Variants in SAMD4A observed in about 807,000 individuals in gnomAD.
SAMD4A encodes the protein protein Smaug homolog 1.
A neutral mutation model predicts 81.3 loss-of-function variants in SAMD4A; 33 were observed. The observed-to-expected ratio is 0.41, with a 90% CI of 0.31 to 0.54. The LOEUF is 0.54. Among genes scored for constraint, SAMD4A ranks in the 20% least tolerant of loss-of-function variants. SAMD4A has a pLI of 0.37. For missense variants in SAMD4A, 854 were observed against 951.1 expected (o/e 0.90, Z 1.34); for synonymous variants, 389 against 382.1 (o/e 1.02, Z -0.21).
At chr14:54,769,726 A>T (rs1021422686) in intron 8 of SAMD4A, among the ~76,000 whole-genome samples, 6 of 152,220 alleles carry the variant, frequency 3.9e-5, no homozygotes, top group African/African-American at 1.4e-4. Context: ...TTCATTGATT[A>T]TGAAAATGCA....
intron 2 of SAMD4A, among the ~76,000 whole-genome samples, chr14:54,683,200 T>C (rs1439355590): frequency 6.6e-6 from 1 of 152,228 alleles, no homozygotes; most frequent in African/African-American, 2.4e-5. Flanking sequence ...GGAGTGGCAT[T>C]GGATCTCAGG....
intron 2 of SAMD4A, among the ~76,000 whole-genome samples, chr14:54,661,489 A>C (rs1269126433): frequency 6.6e-6 from 1 of 152,198 alleles, no homozygotes; most frequent in African/African-American, 2.4e-5. Flanking sequence ...ACCCTTGAGG[A>C]ATCTGCTATT....
In SAMD4A at chr14:54,727,698, G is replaced by A. The variant is rs115656874; in HGVS notation, c.716-9326G>A. Among the ~76,000 whole-genome samples, 1,204 of 152,304 alleles carry A rather than the reference G, an allele frequency of 7.9e-3. 17 individuals carry two copies. Among genetic ancestry groups the A allele is most frequent in the African/African-American group, 0.028 (1,151 of 41,570 alleles). On this transcript the variant is annotated intron_variant, in intron 3 of 12. Coordinates refer to ENST00000554335, the MANE Select transcript of SAMD4A (RefSeq NM_015589.6). The stretch of plus-strand genomic sequence containing the variant: ...TGTATTTGTGTCTGTGTATGACCAT[G>A]AAAAGGCCACGAGTATTGACTCAGG...
chr14:54,595,151 A>G (rs924028790), intron 2 of SAMD4A, among the ~76,000 whole-genome samples: 2 of 152,094 alleles, frequency 1.3e-5, no homozygotes, highest in East Asian at 3.9e-4. Flanking sequence ...ATCTGACGAC[A>G]TCTCTCTCAG....
chr14:54,668,052 C>G (rs1408640071), intron 2 of SAMD4A, among the ~76,000 whole-genome samples: 1 of 152,200 alleles, frequency 6.6e-6, no homozygotes, highest in Non-Finnish European at 1.5e-5. Context: ...CCGTTCTGAT[C>G]GGATTTCCGC....
intron 3 of SAMD4A, among the ~76,000 whole-genome samples, chr14:54,709,731 C>T (rs2036944261): frequency 1.3e-5 from 2 of 152,200 alleles, no homozygotes; most frequent in Non-Finnish European, 2.9e-5. Context: ...TTACACAAGG[C>T]TTGGTCAACT....
chr14:54,574,890 T>A (rs1222660958), intron 2 of SAMD4A, among the ~76,000 whole-genome samples: 1 of 152,056 alleles, frequency 6.6e-6, no homozygotes. Flanking sequence ...CCTGGGGAGG[T>A]GGAGCTGAAC....
At chr14:54,773,522 C>T (rs2038758775) in intron 9 of SAMD4A, among the ~76,000 whole-genome samples, 1 of 152,236 alleles carries the variant, frequency 6.6e-6, no homozygotes, top group South Asian at 2.1e-4. Flanking sequence ...GTATAACCTC[C>T]CGGACCTGAG....
At chr14:54,612,421 A>T (rs917306535) in intron 2 of SAMD4A, among the ~76,000 whole-genome samples, 1 of 152,088 alleles carries the variant, frequency 6.6e-6, no homozygotes, top group African/African-American at 2.4e-5. Context: ...GGCTATTATT[A>T]ATTTGATTTC....
At chr14:54,609,069 CTGTGAAAA>C (rs1385980210) in intron 2 of SAMD4A, among the ~76,000 whole-genome samples, 1 of 152,170 alleles carries the variant, frequency 6.6e-6, no homozygotes, top group Non-Finnish European at 1.5e-5. Context: ...TCTCCAGAAC[CTGTGAAAA>C]TGTTATGTTA....
In SAMD4A at chr14:54,737,295, A is replaced by T. The variant is rs2037720290; in HGVS notation, c.979+8A>T. 7 of 1,613,460 alleles carry T rather than the reference A, an allele frequency of 4.3e-6. No homozygotes were observed. The East Asian group carries it at 1.3e-4, about 31-fold the overall frequency. On this transcript the variant is annotated splice_region_variant and intron_variant, in intron 4 of 12. Coordinates refer to ENST00000554335, the MANE Select transcript of SAMD4A (RefSeq NM_015589.6). ...AAGGTAGTGGGATGAAAGGTGAGTGACTAAATGAGAAACCACTGGGGAAAG... is the reference window on the plus strand; with the variant it reads ...AAGGTAGTGGGATGAAAGGTGAGTGTCTAAATGAGAAACCACTGGGGAAAG...
intron 2 of SAMD4A, among the ~76,000 whole-genome samples, chr14:54,571,642 C>T (rs368055305): frequency 4.3e-4 from 65 of 152,188 alleles, no homozygotes; most frequent in African/African-American, 1.5e-3. Context: ...CAATAAATTC[C>T]TATACTTATA....
At chr14:54,639,842 T>TA (rs2035130361) in intron 2 of SAMD4A, among the ~76,000 whole-genome samples, 1 of 150,334 alleles carries the variant, frequency 6.7e-6, no homozygotes, top group African/African-American at 2.5e-5. Flanking sequence ...ACACCACTGT[T>TA]ACTAGTTCTG....
chr14:54,785,706 G>A (rs2039123319), intron 12 of SAMD4A, among the ~76,000 whole-genome samples: 2 of 152,196 alleles, frequency 1.3e-5, no homozygotes, highest in Non-Finnish European at 2.9e-5. Context: ...CAGACCTAAG[G>A]TTGTTAGATT....
intron 4 of SAMD4A, among the ~76,000 whole-genome samples, chr14:54,739,233 A>G (rs181780192): frequency 3.9e-5 from 6 of 151,974 alleles, no homozygotes; most frequent in Admixed American, 2.6e-4. Context: ...GACAAAAGCC[A>G]AAATATTGCA....
At chr14:54,625,955 C>A (rs758170102) in intron 2 of SAMD4A, among the ~76,000 whole-genome samples, 2 of 151,830 alleles carry the variant, frequency 1.3e-5, no homozygotes, top group African/African-American at 4.8e-5. Flanking sequence ...GTGTTTAGCT[C>A]CTGACCGAGG....
At chr14:54,764,078 G>A (rs553106402) in intron 7 of SAMD4A, among the ~76,000 whole-genome samples, 1 of 152,200 alleles carries the variant, frequency 6.6e-6, no homozygotes, top group African/African-American at 2.4e-5. Context: ...AATCACGGAG[G>A]CTGCTCTCTG....
At chr14:54,681,606 ATCT>A (rs1454768793) in intron 2 of SAMD4A, among the ~76,000 whole-genome samples, 1 of 151,914 alleles carries the variant, frequency 6.6e-6, no homozygotes, top group African/African-American at 2.4e-5. Flanking sequence ...ATTTTTAAAA[ATCT>A]TCTATAGAGA....
At chr14:54,621,056 G>C (rs1271119523) in intron 2 of SAMD4A, among the ~76,000 whole-genome samples, 1 of 152,204 alleles carries the variant, frequency 6.6e-6, no homozygotes, top group Non-Finnish European at 1.5e-5. Flanking sequence ...ATAGGCATGA[G>C]AGCCACTGAC....
Sources: allele counts gnomAD v4.1 joint callset (sites outside exome capture counted in the v4.1 genomes callset), GRCh38; gene constraint gnomAD v4.1.1; transcripts MANE v1.5; gene names NCBI Gene and HGNC (gene_info 2026-07-23, HGNC 2026-07-21).